KRT28: variants seen among roughly 807,000 people sequenced by gnomAD.
KRT28 encodes the protein keratin 28.
Under a neutral mutation model 48.1 loss-of-function variants are expected in KRT28, and 45 were observed. That is an observed-to-expected ratio of 0.94 (90% CI 0.74 to 1.20). The LOEUF is 1.20. Among genes scored for constraint, KRT28 ranks in the 50% most tolerant of loss-of-function variants. The pLI is 0.00. For synonymous variants in KRT28, 228 were observed against 227.4 expected, an observed-to-expected ratio of 1.00 and a Z score of -0.03; for missense variants, 571 against 574.1, an observed-to-expected ratio of 0.99 and a Z score of 0.06.
rs1248383159 is a variant in KRT28, at chr17:40,792,444, G to GT, written c.1377dup (p.Gln460ThrfsTer38). On this transcript the variant is annotated frameshift_variant, in exon 8 of 8. Transcript: ENST00000306658. LOFTEE classifies it high-confidence loss of function. ...AATGACAGCTAGAAAGGAACCCTTT[G>GT]TTCTGTCTTGCCGTTGGTCATTTTA... 1 of 1,611,792 alleles carries GT rather than the reference G, an allele frequency of 6.2e-7. No individual in the cohort carries two copies. Among genetic ancestry groups the GT allele is most frequent in the South Asian group, 1.1e-5 (1 of 90,536 alleles).
chr17:40,797,068 C>T, intron 4 of KRT28, 27 bp from the exon 5 acceptor site: 2 of 1,610,138 alleles, frequency 1.2e-6, no homozygotes, highest in Non-Finnish European at 1.7e-6. Flanking sequence ...AAGGGTCACA[C>T]GGAGTCCCCA....
rs1390315754 is a variant in KRT28 at position 40,798,292 on chromosome 17, C to A, written c.633G>T (p.Glu211Asp). 6.2e-7 allele frequency: 1 copy of A among 1,613,202 alleles called. No individual in the cohort carries two copies. The highest frequency in any genetic ancestry group is 8.5e-7 in the Non-Finnish European group (1 of 1,179,324). ...CCTCACTCAGAGACTCATATTGCAG[C>A]TCCTGGTCGGTCCTGCAGAGCGTCA... ...DELTLCRTDQ[E>D]LQYESLSEEM... The change falls in exon 3 of 8, where the codon GAG becomes GAT. Residue 211 changes from glutamate to aspartate, a missense_variant. Physicochemically the swap from Glu to Asp is conservative, Grantham distance 45. Transcript: ENST00000306658.
rs1374272054 is a variant in KRT28 at position 40,797,771 on chromosome 17, C to CA, written c.690+463dup. On this transcript the variant is annotated intron_variant, in intron 3 of 7. Transcript: ENST00000306658. ...TCAAAACAAAGCAATAGAAAACAAA[C>CA]AAAAAAAATTAGGGACCTGTTAATT... 2.6e-5 allele frequency among the ~76,000 whole-genome samples: 4 copies of CA among 151,632 alleles called. No individual in the cohort carries two copies. In the East Asian group the frequency reaches 5.8e-4, roughly 22 times the overall value.
At chr17:40,796,179 C>G (rs114256102) in intron 5 of KRT28, among the ~76,000 whole-genome samples, 1 of 152,180 alleles carries the variant, frequency 6.6e-6, no homozygotes, top group Non-Finnish European at 1.5e-5. Flanking sequence ...TCAGGAGGCA[C>G]GAAACCTCTT....
rs2143074869 is a variant in KRT28 at position 40,797,056 on chromosome 17, A to G, written c.853-15T>C. 1 of 1,610,582 alleles carries G rather than the reference A, an allele frequency of 6.2e-7. No homozygotes were observed. The highest frequency in any genetic ancestry group is 1.1e-5 in the South Asian group (1 of 90,662). ...AGCGAGGCGCTCTGTAGGGCCGGGA[A>G]AAAGGGTCACACGGAGTCCCCACCC... On this transcript the variant is annotated splice_polypyrimidine_tract_variant and intron_variant, in intron 4 of 7. Coordinates refer to ENST00000306658, the MANE Select transcript of KRT28 (RefSeq NM_181535.3).
intron 3 of KRT28, among the ~76,000 whole-genome samples, chr17:40,797,871 T>C (rs1904652543): frequency 6.6e-6 from 1 of 152,148 alleles, no homozygotes; most frequent in South Asian, 2.1e-4. Context: ...GAGAAAGGGA[T>C]TTAAAGACCG....
intron 7 of KRT28, 119 bp from the exon 8 acceptor site, chr17:40,792,688 T>C (rs9902213): frequency 0.16 from 116,210 of 720,314 alleles, 10,467 homozygotes; most frequent in African/African-American, 0.23. Context: ...TATATATTTA[T>C]AATAATAGCT....
chr17:40,797,665 C>G (rs1904647830), intron 3 of KRT28, among the ~76,000 whole-genome samples: 2 of 152,128 alleles, frequency 1.3e-5, no homozygotes, highest in African/African-American at 4.8e-5. Flanking sequence ...AGGAGAATTG[C>G]TTGAACCTGG....
chr17:40,796,725 G>T (rs1338912682), intron 5 of KRT28, among the ~76,000 whole-genome samples, 191 bp downstream of exon 5: 2 of 152,208 alleles, frequency 1.3e-5, no homozygotes, highest in Non-Finnish European at 2.9e-5. Flanking sequence ...AACTCCCAGT[G>T]ATGTCAAGGA....
chr17:40,793,733 A>C (rs1904544322), intron 6 of KRT28, 96 bp downstream of exon 6: 2 of 1,230,078 alleles, frequency 1.6e-6, no homozygotes, highest in South Asian at 2.6e-5. Context: ...AGTGGGAATG[A>C]AAAAGAAAAG....
intron 3 of KRT28, 125 bp downstream of exon 3, chr17:40,798,110 G>A: frequency 1.2e-6 from 1 of 857,888 alleles, no homozygotes; most frequent in Non-Finnish European, 1.8e-6. Flanking sequence ...AGACTAATCT[G>A]TCTGTATCCG....
chr17:40,796,943 C>T lies in KRT28; in HGVS notation c.951G>A (p.Glu317=). 6.2e-7 allele frequency: 1 copy of T among 1,610,252 alleles called. No individual in the cohort carries two copies. The highest frequency in any genetic ancestry group is 8.5e-7 in the Non-Finnish European group (1 of 1,178,536). The change falls in exon 5 of 8, where the codon GAG becomes GAA. Residue 317 remains glutamate, a synonymous_variant. Transcript: ENST00000306658. ...TGGCCATCAGGGACTGCAGCTGGATCTCCAGGGTCTGCAGGGTGCGCCTCA... is the reference window on the plus strand; with the variant it reads ...TGGCCATCAGGGACTGCAGCTGGATTTCCAGGGTCTGCAGGGTGCGCCTCA... ...TEMRRTLQTL[E]IQLQSLMATK... is the part of the protein sequence containing the mutation.
chr17:40,799,882 T>C lies in KRT28; in HGVS notation c.12A>G (p.Gln4=), dbSNP rs1388387245. The C allele has an allele frequency of 1.9e-6, 3 of 1,610,428 alleles. No homozygotes were observed. Among genetic ancestry groups the C allele is most frequent in the Admixed American group, 3.3e-5 (2 of 59,872 alleles). ...AAACATGCCTGGATCCATTAGAAAA[T>C]TGGAGAGACATGGTGTTTTGAGAAA... The part of the protein sequence containing the change: MSL[Q]FSNGSRHVCL... The change falls in exon 1 of 8, where the codon CAA becomes CAG. Residue 4 remains glutamine, a synonymous_variant. Coordinates refer to ENST00000306658, the MANE Select transcript of KRT28 (RefSeq NM_181535.3).
chr17:40,798,976 A>G lies in KRT28; in HGVS notation c.474T>C (p.Asn158=). The change falls in exon 2 of 8, where the codon AAT becomes AAC. Residue 158 remains asparagine, a synonymous_variant. Transcript: ENST00000306658. ...TATCAATCTGCAGAATGACATTAGC[A>G]TTAGTAGTAGTGGAGGAGATAATCT... ...KNKIISSTTT[N]ANVILQIDNA... is the part of the protein sequence containing the mutation. 1.2e-6 allele frequency: 2 copies of G among 1,606,284 alleles called. No homozygotes were observed. The highest frequency in any genetic ancestry group is 8.5e-7 in the Non-Finnish European group (1 of 1,175,338).
At position 40,792,348 on chromosome 17, in the gene KRT28, T is replaced by C; in HGVS notation, c.*79A>G. 1.7e-6 allele frequency: 2 copies of C among 1,182,574 alleles called. No homozygotes were observed. Among genetic ancestry groups the C allele is most frequent in the Admixed American group, 5.1e-5 (2 of 39,214 alleles). The allele number at this position is 1,182,574 out of a possible 1,614,324, so 73.3% of individuals were successfully genotyped here. On this transcript the variant is annotated 3_prime_UTR_variant, in exon 8 of 8. Transcript: ENST00000306658. ...AATGTATCTTTAAAAGTAAAAAGTG[T>C]GTATATTCTCTCTGATATTTAGAAT... is the stretch of plus-strand genomic sequence containing the variant.
Position 40,799,610 on chromosome 17 carries a change from T to A in KRT28, c.284A>T (p.Asp95Val). 1 of 1,614,066 alleles carries A rather than the reference T, an allele frequency of 6.2e-7. No homozygotes were observed. Among genetic ancestry groups the A allele is most frequent in the Non-Finnish European group, 8.5e-7 (1 of 1,179,998 alleles). Residue 95 changes from aspartate (D) to valine (V), a missense_variant, in exon 1 of 8, where the codon GAC (aspartate) becomes GTC (valine). Physicochemically the swap from Asp to Val is radical, Grantham distance 152. Transcript: ENST00000306658. Reference protein sequence around the residue: ...NEKVTMQNLNDRLASYLDNVR... With the variant: ...NEKVTMQNLNVRLASYLDNVR... ...ATTATCCAGGTAGGATGCCAAGCGG[T>A]CATTAAGATTTTGCATGGTCACCTT...
intron 5 of KRT28, among the ~76,000 whole-genome samples, chr17:40,795,479 A>G (rs1350148471): frequency 1.3e-5 from 2 of 152,158 alleles, no homozygotes; most frequent in African/African-American, 4.8e-5. Flanking sequence ...CATCACAGGA[A>G]GCAAACGTGA....
chr17:40,797,390 AT>A, intron 3 of KRT28, 109 bp from the exon 4 acceptor site: 1 of 1,021,876 alleles, frequency 9.8e-7, no homozygotes, highest in Non-Finnish European at 1.4e-6. Flanking sequence ...CAGGTGTATA[AT>A]TTATGGCACA....
At chr17:40,793,396 TA>T (rs779406835) in intron 6 of KRT28, among the ~76,000 whole-genome samples, 186 bp from the exon 7 acceptor site, 11 of 151,728 alleles carry the variant, frequency 7.2e-5, no homozygotes, top group Admixed American at 1.3e-4. Context: ...AGAATATAAA[TA>T]AATCTTGTTT....
Sources: allele counts gnomAD v4.1 joint callset (sites outside exome capture counted in the v4.1 genomes callset), GRCh38; gene constraint gnomAD v4.1.1; transcripts MANE v1.5; gene names NCBI Gene and HGNC (gene_info 2026-07-23, HGNC 2026-07-21).